WARS2: variants seen among roughly 807,000 people sequenced by gnomAD.
The protein encoded by WARS2 is tryptophan--tRNA ligase, mitochondrial.
A neutral mutation model predicts 36.5 loss-of-function variants in WARS2; 28 were observed. The observed-to-expected ratio is 0.77, with a 90% confidence interval of 0.57 to 1.05. The LOEUF is 1.05. Ranked by LOEUF, WARS2 falls within the 50% of genes least tolerant of loss-of-function variation. The probability of loss-of-function intolerance (pLI) is 0.00; values close to 1 mark genes in which losing one functional copy is unlikely to be tolerated. For synonymous variants in WARS2, 174 were observed against 178.4 expected, an observed-to-expected ratio of 0.98 and a Z score of 0.20; for missense variants, 435 against 456.8, an observed-to-expected ratio of 0.95 and a Z score of 0.44.
chr1:119,089,524 A>G (rs1226154054), intron 1 of WARS2, among the ~76,000 whole-genome samples: 1 of 152,236 alleles, frequency 6.6e-6, no homozygotes, highest in Non-Finnish European at 1.5e-5. Flanking sequence ...CATGTACAAA[A>G]TAGGGATAAT....
At chr1:119,087,519 G>A (rs1304277686) in intron 1 of WARS2, among the ~76,000 whole-genome samples, 1 of 152,174 alleles carries the variant, frequency 6.6e-6, no homozygotes, top group Non-Finnish European at 1.5e-5. Flanking sequence ...CAATATTCTT[G>A]AAGAATGGTT....
At chr1:119,115,617 A>G (rs919167663) in intron 1 of WARS2, among the ~76,000 whole-genome samples, 2 of 152,204 alleles carry the variant, frequency 1.3e-5, no homozygotes, top group Admixed American at 1.3e-4. Flanking sequence ...TGGCTCCCCT[A>G]TGAGCTTTTC....
intron 4 of WARS2, among the ~76,000 whole-genome samples, chr1:119,034,671 A>G (rs1647721273): frequency 6.6e-6 from 1 of 152,196 alleles, no homozygotes; most frequent in Non-Finnish European, 1.5e-5. Context: ...TCTTCAGGCA[A>G]GAGTTTTTCC....
chr1:119,053,205 A>AT (rs1015150504), intron 2 of WARS2, among the ~76,000 whole-genome samples: 10 of 151,996 alleles, frequency 6.6e-5, no homozygotes, highest in Non-Finnish European at 1.2e-4. Flanking sequence ...GAGTAATCAA[A>AT]TTTTTTTTTA....
chr1:119,058,510 C>T (rs1307714147), intron 2 of WARS2, among the ~76,000 whole-genome samples: 1 of 131,778 alleles, frequency 7.6e-6, no homozygotes, highest in African/African-American at 3.2e-5. Context: ...TTCCTGTGTC[C>T]ATGTGATCTC....
intron 1 of WARS2, among the ~76,000 whole-genome samples, chr1:119,091,433 C>T (rs902039324): frequency 6.6e-6 from 1 of 152,066 alleles, no homozygotes; most frequent in African/African-American, 2.4e-5. Context: ...GAACCCAGGT[C>T]GATTAACTTC....
intron 1 of WARS2, among the ~76,000 whole-genome samples, chr1:119,128,627 T>C (rs1275173650): frequency 6.9e-6 from 1 of 145,070 alleles, no homozygotes; most frequent in Admixed American, 6.9e-5. Flanking sequence ...GCTTTATTCT[T>C]AATGATCTCC....
At chr1:119,085,670 G>A (rs768794236) in intron 1 of WARS2, 35 of 1,428,902 alleles carry the variant, frequency 2.4e-5, no homozygotes, top group Non-Finnish European at 3.2e-5. Flanking sequence ...CATTAAAATT[G>A]TCAATGGCCA....
intron 1 of WARS2, among the ~76,000 whole-genome samples, chr1:119,125,275 T>C (rs1655574389): frequency 6.6e-6 from 1 of 152,152 alleles, no homozygotes; most frequent in Non-Finnish European, 1.5e-5. Context: ...GGTCTTCCAT[T>C]AAAAGTCACC....
chr1:119,067,688 T>A (rs951928625), intron 2 of WARS2, among the ~76,000 whole-genome samples: 1 of 152,172 alleles, frequency 6.6e-6, no homozygotes, highest in Admixed American at 6.5e-5. Context: ...TTATCTTATT[T>A]AAATTGCTAT....
chr1:119,038,321 C>G (rs951177086), intron 4 of WARS2, among the ~76,000 whole-genome samples: 5 of 152,176 alleles, frequency 3.3e-5, no homozygotes, highest in Admixed American at 3.3e-4. Flanking sequence ...CCAGGCTCAA[C>G]CGGCCTCACA....
intron 1 of WARS2, among the ~76,000 whole-genome samples, chr1:119,093,332 T>C (rs1477354471): frequency 1.3e-5 from 2 of 151,940 alleles, no homozygotes; most frequent in East Asian, 1.9e-4. Context: ...AAAAATTACA[T>C]GCCATTTTTC....
At chr1:119,075,558 A>C (rs978687869) in intron 2 of WARS2, among the ~76,000 whole-genome samples, 3 of 152,242 alleles carry the variant, frequency 2.0e-5, no homozygotes, top group Non-Finnish European at 4.4e-5. Flanking sequence ...GAAATGTACA[A>C]TCAAGGAAGG....
At chr1:119,068,189 C>A (rs956007062) in intron 2 of WARS2, among the ~76,000 whole-genome samples, 2 of 152,058 alleles carry the variant, frequency 1.3e-5, no homozygotes, top group African/African-American at 4.8e-5. Context: ...TTGTTGGTAG[C>A]GAACAACTTT....
chr1:119,045,033 G>T (rs1648675098), intron 3 of WARS2, among the ~76,000 whole-genome samples: 1 of 152,136 alleles, frequency 6.6e-6, no homozygotes, highest in Admixed American at 6.5e-5. Flanking sequence ...CTACCCTGGG[G>T]TTATCCGACT....
chr1:119,076,710 T>C, intron 1 of WARS2, 103 bp from the exon 2 acceptor site: 1 of 1,498,466 alleles, frequency 6.7e-7, no homozygotes, highest in Non-Finnish European at 9.0e-7. Flanking sequence ...TTTTGTAAAC[T>C]ACAATCTGAC....
chr1:119,091,626 A>G (rs920678224), intron 1 of WARS2, among the ~76,000 whole-genome samples: 5 of 152,202 alleles, frequency 3.3e-5, no homozygotes, highest in African/African-American at 1.2e-4. Context: ...ACTGCTTGAT[A>G]TACTTGTTTC....
intron 1 of WARS2, among the ~76,000 whole-genome samples, chr1:119,099,949 G>A (rs915692422): frequency 3.9e-5 from 6 of 152,126 alleles, no homozygotes; most frequent in African/African-American, 1.2e-4. Context: ...AAATAGACAA[G>A]TAGGACCTAA....
At chr1:119,053,831 G>C (rs1212293427) in intron 2 of WARS2, among the ~76,000 whole-genome samples, 1 of 152,090 alleles carries the variant, frequency 6.6e-6, no homozygotes, top group Non-Finnish European at 1.5e-5. Context: ...GATTGTTTCA[G>C]CCCAGGAATT....
Sources: gnomAD v4.1 joint callset for allele counts (sites outside exome capture counted in the v4.1 genomes callset) on GRCh38, gnomAD v4.1.1 for gene constraint, MANE v1.5 for transcripts, NCBI Gene and HGNC (gene_info 2026-07-23, HGNC 2026-07-21) for gene names.